Variants in PNKD observed in about 807,000 individuals in gnomAD.
PNKD encodes PNKD metallo-beta-lactamase domain containing.
Under a neutral mutation model 45.3 loss-of-function variants are expected in PNKD, and 36 were observed. The ratio of observed to expected loss-of-function variants is 0.80; its 90% CI spans 0.61 to 1.05. The LOEUF (loss-of-function observed/expected upper bound fraction) is 1.05. Among genes scored for constraint, PNKD ranks in the 50% least tolerant of loss-of-function variants. The pLI, the probability that PNKD is intolerant of heterozygous loss-of-function variation, is 0.00. For synonymous variants in PNKD, 197 were observed against 210.1 expected, an observed-to-expected ratio of 0.94 and a Z score of 0.54; for missense variants, 511 against 506.6, an observed-to-expected ratio of 1.01 and a Z score of -0.08.
intron 2 of PNKD, chr2:218,277,689 C>T (rs373610767): frequency 1.2e-6 from 2 of 1,613,920 alleles, no homozygotes; most frequent in South Asian, 1.1e-5. Flanking sequence ...AGGAGAGAGA[C>T]AAGAATGAAA....
In PNKD at chr2:218,304,479, C is replaced by G. The variant is rs1693358816; in HGVS notation, c.236+32930C>G. 2.0e-5 allele frequency among the ~76,000 whole-genome samples: 3 copies of G among 152,168 alleles called. No individual in the cohort carries two copies. The South Asian group carries it at 6.2e-4, about 32-fold the overall frequency. ...TTTTATAACAGCTCCCTTCCTGACC[C>G]TTCAGGCCCAGGGGTGGCGACAGTG... On this transcript the variant is annotated intron_variant, in intron 2 of 9. Transcript: ENST00000273077.
chr2:218,307,398 T>G (rs1693446663), intron 2 of PNKD, among the ~76,000 whole-genome samples: 1 of 152,096 alleles, frequency 6.6e-6, no homozygotes, highest in African/African-American at 2.4e-5. Flanking sequence ...AGCAGCTGGA[T>G]GGTCCCATCT....
In PNKD at chr2:218,344,369, A is replaced by C. The variant is rs1694767449; in HGVS notation, c.869-86A>C. On this transcript the variant is annotated intron_variant, in intron 8 of 9. Transcript: ENST00000273077. ...CATCCCTAGTTGTCAGGTGCCCATC[A>C]GCCTGGACCTGGGGCAGGGAAGACT... The C allele has an allele frequency of 3.1e-6, 3 of 972,734 alleles. No individual in the cohort carries two copies. The Admixed American group carries it at 6.0e-5, about 19-fold the overall frequency. The allele number at this position is 972,734 out of a possible 1,614,324, so 60.3% of individuals were successfully genotyped here.
chr2:218,334,359 C>T (rs1438775770), intron 2 of PNKD, among the ~76,000 whole-genome samples: 1 of 152,090 alleles, frequency 6.6e-6, no homozygotes. Flanking sequence ...CAGAATCCCA[C>T]GTTGCATTTA....
In PNKD at chr2:218,323,285, G is replaced by A. The variant is rs1253262067; in HGVS notation, c.237-16498G>A. The stretch of plus-strand genomic sequence containing the variant: ...CCCCCAGCATGGCTTGGCAGGGCTG[G>A]CCCGCGGCGTGGCAGTGGGTCGCCG... On this transcript the variant is annotated intron_variant, in intron 2 of 9. Coordinates refer to ENST00000273077, the MANE Select transcript of PNKD (RefSeq NM_015488.5). 9 of 1,549,156 alleles carry A rather than the reference G, an allele frequency of 5.8e-6. No individual in the cohort carries two copies. The South Asian group carries it at 8.3e-5, about 14-fold the overall frequency.
intron 2 of PNKD, among the ~76,000 whole-genome samples, chr2:218,336,697 T>G (rs889756023): frequency 6.6e-6 from 1 of 151,524 alleles, no homozygotes; most frequent in African/African-American, 2.4e-5. Flanking sequence ...CCCAGTCTGG[T>G]CTCAAAATCC....
chr2:218,282,227 C>T lies in PNKD; in HGVS notation c.236+10678C>T, dbSNP rs566227890. 88 of 1,133,118 alleles carry T rather than the reference C, an allele frequency of 7.8e-5. No homozygotes were observed. In the African/African-American group the frequency reaches 1.1e-3, roughly 15 times the overall value. The allele number at this position is 1,133,118 out of a possible 1,614,324, so 70.2% of individuals were successfully genotyped here. Reference sequence around the variant, plus strand: ...AGCAATCGTGAATGCCCAGGCCCAGCTCACTCAGCCTCATGGGCCCACTTC... The same window carrying T: ...AGCAATCGTGAATGCCCAGGCCCAGTTCACTCAGCCTCATGGGCCCACTTC... On this transcript the variant is annotated intron_variant, in intron 2 of 9. Transcript: ENST00000273077.
At chr2:218,275,767 T>G (rs1265288148) in intron 2 of PNKD, 12 of 1,070,202 alleles carry the variant, frequency 1.1e-5, no homozygotes, top group Non-Finnish European at 1.6e-5. Flanking sequence ...GGCTCTATAC[T>G]GTAGCTGCTC....
Position 218,290,981 on chromosome 2 carries a change from A to G in PNKD, c.236+19432A>G, listed in dbSNP as rs148616864. Among the ~76,000 whole-genome samples the G allele has an allele frequency of 3.1e-3, 466 of 152,212 alleles. 1 individual carries two copies. Among genetic ancestry groups the G allele is most frequent in the African/African-American group, 0.011 (445 of 41,534 alleles). The stretch of plus-strand genomic sequence containing the variant: ...TTCAGCCCTCTGAAAACACACAAGT[A>G]TGTGTGTTTCCCTTCTCTGTGGCTT... On this transcript the variant is annotated intron_variant, in intron 2 of 9. Transcript: ENST00000273077.
chr2:218,325,239 C>G (rs1295347924), intron 2 of PNKD, among the ~76,000 whole-genome samples: 1 of 117,952 alleles, frequency 8.5e-6, no homozygotes, highest in South Asian at 3.2e-4. Flanking sequence ...GGCTCTTGCT[C>G]TGTTCCCTAG....
chr2:218,279,616 C>A (rs919593727), intron 2 of PNKD: 9 of 498,670 alleles, frequency 1.8e-5, no homozygotes, highest in Non-Finnish European at 3.2e-5. Context: ...CCATACTCTA[C>A]CAGTATGGCC....
chr2:218,277,498 A>G (rs1691346817), intron 2 of PNKD: 1 of 1,609,782 alleles, frequency 6.2e-7, no homozygotes, highest in African/African-American at 1.3e-5. Flanking sequence ...TAAGCCACGT[A>G]TGAATGACTT....
At chr2:218,300,100 C>T (rs1034289370) in intron 2 of PNKD, among the ~76,000 whole-genome samples, 2 of 152,142 alleles carry the variant, frequency 1.3e-5, no homozygotes, top group African/African-American at 4.8e-5. Flanking sequence ...TCCTCCTTGA[C>T]CAGCTTGGAT....
At chr2:218,316,196 T>C (rs1465869517) in intron 2 of PNKD, among the ~76,000 whole-genome samples, 1 of 152,058 alleles carries the variant, frequency 6.6e-6, no homozygotes, top group East Asian at 1.9e-4. Context: ...GGAAACTAGA[T>C]TGTGTTGAGA....
At chr2:218,271,088 T>A in intron 1 of PNKD, 1 of 532,520 alleles carries the variant, frequency 1.9e-6, no homozygotes, top group South Asian at 2.1e-5. Flanking sequence ...ACGTCTTATG[T>A]GAGTCCCACT....
chr2:218,302,447 G>A (rs1229637793), intron 2 of PNKD, among the ~76,000 whole-genome samples: 2 of 152,204 alleles, frequency 1.3e-5, no homozygotes, highest in Non-Finnish European at 2.9e-5. Context: ...GGGGGGTGGT[G>A]GACAATGGTG....
At position 218,345,040 on chromosome 2, in the gene PNKD, A is replaced by C; in HGVS notation, c.*59A>C. 4.6e-6 allele frequency: 6 copies of C among 1,318,014 alleles called. No individual in the cohort carries two copies. The highest frequency in any genetic ancestry group is 5.3e-6 in the Non-Finnish European group (5 of 937,204). 81.6% of individuals were successfully genotyped at this position (1,318,014 alleles called of 1,614,324 possible). On this transcript the variant is annotated 3_prime_UTR_variant, in exon 10 of 10. Coordinates refer to ENST00000273077, the MANE Select transcript of PNKD (RefSeq NM_015488.5). ...GCATGGGGAGGCCGCCACCACCAAC[A>C]CCTCATCATCCTTCTCATCGCTAAC...
chr2:218,279,583 T>C lies in PNKD; in HGVS notation c.236+8034T>C, dbSNP rs549418024. 6.2e-5 allele frequency: 32 copies of C among 518,958 alleles called. No individual in the cohort carries two copies. The Admixed American group carries it at 8.0e-4, about 13-fold the overall frequency. The allele number at this position is 518,958 out of a possible 1,614,324, so 32.1% of individuals were successfully genotyped here. A position where few individuals can be genotyped will look rare whatever the true frequency, so the allele number is the denominator to read the frequency against. On this transcript the variant is annotated intron_variant, in intron 2 of 9. Transcript: ENST00000273077. The stretch of plus-strand genomic sequence containing the variant: ...CCTGTCCAACACCAGCCTCGGTGAC[T>C]ACTGACTTGCCCTGCCTGGCCACCA...
intron 2 of PNKD, among the ~76,000 whole-genome samples, chr2:218,306,847 C>T (rs560686110): frequency 3.3e-5 from 5 of 152,260 alleles, no homozygotes; most frequent in East Asian, 1.9e-4. Context: ...AGCTAGGTGT[C>T]GGGATTGGTT....
Sources: allele counts gnomAD v4.1 joint callset (sites outside exome capture counted in the v4.1 genomes callset), GRCh38; gene constraint gnomAD v4.1.1; transcripts MANE v1.5; gene names NCBI Gene and HGNC (gene_info 2026-07-23, HGNC 2026-07-21).